Variants in MRPL37 observed in about 807,000 individuals in gnomAD.
MRPL37 encodes the protein large ribosomal subunit protein mL37.
In MRPL37, 34 loss-of-function variants were observed where a neutral mutation model predicts 44.1. The ratio of observed to expected loss-of-function variants is 0.77; its 90% CI spans 0.59 to 1.03. The LOEUF is 1.03. MRPL37 is among the 50% of genes least tolerant of loss of function. The pLI is 0.00. For synonymous variants in MRPL37, 212 were observed against 219.5 expected (o/e 0.97, Z 0.30); for missense variants, 532 against 543.7 (o/e 0.98, Z 0.21).
At chr1:54,216,560 C>T (rs1253938866) in intron 6 of MRPL37, among the ~76,000 whole-genome samples, 2 of 152,214 alleles carry the variant, frequency 1.3e-5, no homozygotes, top group African/African-American at 2.4e-5. Context: ...TTGCACCCTC[C>T]AGCCAATCCA....
intron 3 of MRPL37, among the ~76,000 whole-genome samples, chr1:54,208,432 C>G (rs1644139666): frequency 1.3e-5 from 2 of 151,116 alleles, no homozygotes; most frequent in Non-Finnish European, 2.9e-5. Context: ...ACCCATAGTC[C>G]CAGCTACTCG....
downstream of MRPL37, chr1:54,225,105 G>C (rs1368340379): frequency 1.6e-6 from 2 of 1,234,176 alleles, no homozygotes; most frequent in African/African-American, 1.6e-5. Flanking sequence ...GCACCAGGAG[G>C]AACCTTTTTC....
Position 54,200,199 on chromosome 1 carries a change from A to C in MRPL37, c.-45A>C. Reference sequence around the variant, plus strand: ...GTTCCCAGCAGGCCCTGCGCGCGGCAACATGGCGGGGTCCAGGTGGAGGTC... The same window carrying C: ...GTTCCCAGCAGGCCCTGCGCGCGGCCACATGGCGGGGTCCAGGTGGAGGTC... On this transcript the variant is annotated 5_prime_UTR_variant, in exon 1 of 7. Coordinates refer to ENST00000360840, the MANE Select transcript of MRPL37 (RefSeq NM_016491.4). The C allele has an allele frequency of 6.7e-7, 1 of 1,502,654 alleles. No individual in the cohort carries two copies. The highest frequency in any genetic ancestry group is 8.8e-7 in the Non-Finnish European group (1 of 1,132,620). 93.1% of individuals were successfully genotyped at this position (1,502,654 alleles called of 1,614,324 possible).
At chr1:54,225,339 C>T (rs768375915), downstream of MRPL37, 2,058 of 1,234,132 alleles carry the variant, frequency 1.7e-3, 1 homozygote, top group Non-Finnish European at 1.8e-3. Flanking sequence ...TGTTATGCAC[C>T]AGGAACAAAA....
chr1:54,205,354 C>T lies in MRPL37; in HGVS notation c.590C>T (p.Ser197Phe). The change falls in exon 3 of 7, where the codon TCT becomes TTT. Residue 197 changes from serine to phenylalanine, a missense_variant. Transcript: ENST00000360840. ...AAATCTCAGATTCTCAAGCATCCTT[C>T]TCTGGCCAGGAGGATCTGTGTCCAA... ...LCKSQILKHP[S>F]LARRICVQNS... The T allele has an allele frequency of 6.2e-7, 1 of 1,614,130 alleles. No individual in the cohort carries two copies. The highest frequency in any genetic ancestry group is 1.3e-5 in the African/African-American group (1 of 75,032).
chr1:54,202,968 G>A (rs562691919), intron 1 of MRPL37, among the ~76,000 whole-genome samples: 11 of 152,154 alleles, frequency 7.2e-5, no homozygotes, highest in Non-Finnish European at 5.9e-5. Context: ...GTGTTTACTT[G>A]ATCCAGAACT....
intron 3 of MRPL37, among the ~76,000 whole-genome samples, chr1:54,206,028 G>A (rs1644119175): frequency 6.6e-6 from 1 of 151,942 alleles, no homozygotes; most frequent in African/African-American, 2.4e-5. Flanking sequence ...TTCACACCAT[G>A]TGCCTTTGCA....
chr1:54,216,421 C>A, intron 6 of MRPL37, 77 bp downstream of exon 6: 1 of 1,510,676 alleles, frequency 6.6e-7, no homozygotes, highest in Non-Finnish European at 9.0e-7. Flanking sequence ...GGTGGGATTG[C>A]TGGGGTGCTC....
rs1280552646 is a variant in MRPL37, at chr1:54,212,658, G to A, written c.990G>A (p.Gly330=). The change falls in exon 5 of 7, where the codon GGG becomes GGA. Residue 330 remains glycine (G), a splice_region_variant and synonymous_variant. Coordinates refer to ENST00000360840, the MANE Select transcript of MRPL37 (RefSeq NM_016491.4). ...TGGCTCAGGCCCGGCTCCTCTATGG[G>A]GTATGTAGGTGGAGAAGACCACTGA... is the stretch of plus-strand genomic sequence containing the variant. The part of the protein sequence containing the change: ...SALAQARLLY[G]NDAKVLEQPV... 6.2e-7 allele frequency: 1 copy of A among 1,614,162 alleles called. No homozygotes were observed. The highest frequency in any genetic ancestry group is 2.2e-5 in the East Asian group (1 of 44,884).
At chr1:54,224,434 G>C (rs949097496), downstream of MRPL37, among the ~76,000 whole-genome samples, 1 of 152,138 alleles carries the variant, frequency 6.6e-6, no homozygotes, top group Non-Finnish European at 1.5e-5. Context: ...AGCACTTCAC[G>C]GTGCTAACCT....
chr1:54,219,918 G>T (rs534573807), downstream of MRPL37, among the ~76,000 whole-genome samples: 53 of 152,360 alleles, frequency 3.5e-4, 1 homozygote, highest in South Asian at 0.011. Flanking sequence ...AGCCACATTA[G>T]TATCTGTTGA....
rs147109703 is a variant in MRPL37, at chr1:54,217,933, G to A, written c.1195-239G>A. On this transcript the variant is annotated intron_variant, in intron 6 of 6. Transcript: ENST00000360840. ...TCAACCATCATTCCTGGTGGTGGAA[G>A]TGAGAGGGCCTCGGGAGCAGAGCAG... 6.0e-4 allele frequency among the ~76,000 whole-genome samples: 91 copies of A among 152,360 alleles called. 1 individual carries two copies. Among genetic ancestry groups the A allele is most frequent in the African/African-American group, 2.0e-3 (83 of 41,584 alleles).
chr1:54,224,693 G>A (rs563638179), downstream of MRPL37, among the ~76,000 whole-genome samples: 1 of 152,072 alleles, frequency 6.6e-6, no homozygotes, highest in African/African-American at 2.4e-5. Context: ...CTAGAATGAG[G>A]TCCCCAGAGC....
At chr1:54,221,099 T>A (rs192802038), downstream of MRPL37, among the ~76,000 whole-genome samples, 226 of 152,132 alleles carry the variant, frequency 1.5e-3, 9 homozygotes, top group Admixed American at 0.015. Context: ...CACCTTTGGA[T>A]CAAATAGGCT....
In MRPL37 at chr1:54,205,358, G is replaced by A. The variant is rs1644114284; in HGVS notation, c.594G>A (p.Leu198=). Residue 198 remains leucine (L), a synonymous_variant, in exon 3 of 7, where the codon CTG becomes CTA. Coordinates refer to ENST00000360840, the MANE Select transcript of MRPL37 (RefSeq NM_016491.4). The part of the protein sequence containing the change: ...CKSQILKHPS[L]ARRICVQNST... ...CTCAGATTCTCAAGCATCCTTCTCT[G>A]GCCAGGAGGATCTGTGTCCAAAACT... is the stretch of plus-strand genomic sequence containing the variant. 1 of 1,613,900 alleles carries A rather than the reference G, an allele frequency of 6.2e-7. No individual in the cohort carries two copies. The highest frequency in any genetic ancestry group is 1.7e-5 in the Admixed American group (1 of 59,988).
intron 3 of MRPL37, chr1:54,207,230 C>T (rs768410981): frequency 6.6e-6 from 1 of 152,270 alleles, no homozygotes; most frequent in Non-Finnish European, 1.5e-5. Context: ...GTCTACCCCA[C>T]TCAACTGAAC....
chr1:54,220,822 G>A (rs536428675), downstream of MRPL37: 10 of 469,136 alleles, frequency 2.1e-5, no homozygotes, highest in Admixed American at 9.4e-5. Flanking sequence ...GAAACCCCAC[G>A]AGAGGAACTT....
chr1:54,218,580 T>C (rs539436650), downstream of MRPL37, among the ~76,000 whole-genome samples: 3 of 152,352 alleles, frequency 2.0e-5, no homozygotes, highest in Non-Finnish European at 2.9e-5. Flanking sequence ...TTGAAGACTC[T>C]GGGTTATGTG....
At chr1:54,206,524 C>T (rs1478094815) in intron 3 of MRPL37, among the ~76,000 whole-genome samples, 1 of 152,168 alleles carries the variant, frequency 6.6e-6, no homozygotes, top group African/African-American at 2.4e-5. Flanking sequence ...ATTCTTGTGC[C>T]TCAGCCTCCT....
Sources: gnomAD v4.1 joint callset for allele counts (sites outside exome capture counted in the v4.1 genomes callset) on GRCh38, gnomAD v4.1.1 for gene constraint, MANE v1.5 for transcripts, NCBI Gene and HGNC (gene_info 2026-07-23, HGNC 2026-07-21) for gene names.